PIPOX: variants seen among roughly 807,000 people sequenced by gnomAD.
PIPOX encodes the protein pipecolic acid and sarcosine oxidase.
Under a neutral mutation model 47.9 loss-of-function variants are expected in PIPOX, and 45 were observed. The observed-to-expected ratio is 0.94, with a 90% CI of 0.74 to 1.20. The LOEUF (loss-of-function observed/expected upper bound fraction) is 1.20, where lower values mean the gene tolerates loss of function less well. PIPOX is among the 50% of genes most tolerant of loss of function. The probability of loss-of-function intolerance (pLI) is 0.00; values close to 1 mark genes in which losing one functional copy is unlikely to be tolerated. For synonymous variants in PIPOX, 165 were observed against 191.3 expected, an observed-to-expected ratio of 0.86 and a Z score of 1.13; for missense variants, 458 against 498.4, an observed-to-expected ratio of 0.92 and a Z score of 0.77.
chr17:29,050,760 G>A (rs1304478526), intron 2 of PIPOX, among the ~76,000 whole-genome samples: 4 of 151,920 alleles, frequency 2.6e-5, no homozygotes, highest in Non-Finnish European at 5.9e-5. Flanking sequence ...GCTCGCTTGC[G>A]GCTGCAGTGA....
Position 29,053,123 on chromosome 17 carries a change from G to C in PIPOX, c.467G>C (p.Arg156Thr). The C allele has an allele frequency of 1.9e-6, 3 of 1,613,944 alleles. No individual in the cohort carries two copies. Among genetic ancestry groups the C allele is most frequent in the Non-Finnish European group, 2.5e-6 (3 of 1,179,874 alleles). ...GTTATCTATGCATATAAGGCCCTCA[G>C]AGCCCTGCAGGTAATGTCGTATAGC... ...GGVIYAYKALRALQDAIRQLG... is the reference protein window; with the variant it reads ...GGVIYAYKALTALQDAIRQLG... The change falls in exon 3 of 8, where the codon AGA (arginine) becomes ACA (threonine). Residue 156 changes from arginine to threonine, a missense_variant. Physicochemically the swap from Arg to Thr is moderately conservative, Grantham distance 71. Transcript: ENST00000323372.
chr17:29,055,498 C>A (rs781507903), intron 6 of PIPOX, among the ~76,000 whole-genome samples: 4 of 152,218 alleles, frequency 2.6e-5, no homozygotes, highest in Non-Finnish European at 4.4e-5. Flanking sequence ...CTGGCAAGCT[C>A]CTCCAGTTGA....
chr17:29,053,326 T>C, intron 3 of PIPOX, 87 bp from the exon 4 acceptor site: 5 of 1,413,688 alleles, frequency 3.5e-6, no homozygotes, highest in South Asian at 2.6e-5. Flanking sequence ...TTCTGCACTC[T>C]TTTCTGCCCC....
intron 2 of PIPOX, among the ~76,000 whole-genome samples, chr17:29,046,117 C>G (rs993254005): frequency 6.6e-6 from 1 of 152,152 alleles, no homozygotes; most frequent in Admixed American, 6.5e-5. Context: ...AACTTAAGAA[C>G]AAAGTGAAAT....
rs977698792 is a variant in PIPOX, at chr17:29,052,976, A to C, written c.320A>C (p.Gln107Pro). 1 of 1,614,262 alleles carries C rather than the reference A, an allele frequency of 6.2e-7. No individual in the cohort carries two copies. Among genetic ancestry groups the C allele is most frequent in the African/African-American group, 1.3e-5 (1 of 75,074 alleles). The change falls in exon 3 of 8, where the codon CAG becomes CCG. Residue 107 changes from glutamine (Q) to proline (P), a missense_variant. By Grantham distance (76) the Gln-to-Pro change is moderately conservative. Coordinates refer to ENST00000323372, the MANE Select transcript of PIPOX (RefSeq NM_016518.3). ...MKENQELKTI[Q>P]ANLSRQRVEH... is the part of the protein sequence containing the mutation. ...GAGAATCAAGAATTAAAGACAATCC[A>C]GGCCAATCTGTCGAGGCAGAGGGTA...
At chr17:29,054,417 A>G (rs1232151229) in intron 4 of PIPOX, 128 bp from the exon 5 acceptor site, 3 of 912,174 alleles carry the variant, frequency 3.3e-6, no homozygotes, top group Non-Finnish European at 5.2e-6. Context: ...GGGAGAGACA[A>G]ACATGGATGA....
intron 4 of PIPOX, among the ~76,000 whole-genome samples, chr17:29,054,050 C>T (rs1020675874): frequency 5.3e-5 from 8 of 151,752 alleles, no homozygotes; most frequent in African/African-American, 1.9e-4. Context: ...GGTGTAGTGG[C>T]GTGTGCTTGT....
chr17:29,050,746 A>G (rs1376335345), intron 2 of PIPOX, among the ~76,000 whole-genome samples: 4 of 152,008 alleles, frequency 2.6e-5, no homozygotes, highest in Non-Finnish European at 5.9e-5. Flanking sequence ...CTGAGGCAGG[A>G]GGAGCTCGCT....
intron 2 of PIPOX, chr17:29,051,930 G>C: frequency 2.1e-6 from 1 of 470,286 alleles, no homozygotes; most frequent in Non-Finnish European, 4.4e-6. Flanking sequence ...GGGTGGGCGG[G>C]TGAGTGGGCG....
intron 2 of PIPOX, among the ~76,000 whole-genome samples, chr17:29,047,754 C>T (rs1326961394): frequency 7.2e-5 from 11 of 152,086 alleles, no homozygotes; most frequent in South Asian, 4.2e-4. Flanking sequence ...CCAAAACAAG[C>T]AGAAGGCCAG....
chr17:29,047,700 C>A (rs967647290), intron 2 of PIPOX, among the ~76,000 whole-genome samples: 4 of 150,754 alleles, frequency 2.7e-5, no homozygotes, highest in Non-Finnish European at 5.9e-5. Context: ...TAAAAAAAAT[C>A]AACAATTAAA....
At position 29,048,484 on chromosome 17, in the gene PIPOX, C is replaced by CA. The variant is rs768546513; in HGVS notation, c.263+3478dup. On this transcript the variant is annotated intron_variant, in intron 2 of 7. Transcript: ENST00000323372. Reference sequence around the variant, plus strand: ...TATATTCTGGGAACAGACAATGACACATGTGTCAGATCACAAGGTCTGAAT... The same window carrying CA: ...TATATTCTGGGAACAGACAATGACACAATGTGTCAGATCACAAGGTCTGAAT... Among the ~76,000 whole-genome samples the CA allele has an allele frequency of 2.6e-5, 4 of 152,338 alleles. No homozygotes were observed. In the East Asian group the frequency reaches 5.8e-4, roughly 22 times the overall value.
chr17:29,053,194 A>T, intron 3 of PIPOX, 61 bp downstream of exon 3: 2 of 1,516,222 alleles, frequency 1.3e-6, no homozygotes, highest in Non-Finnish European at 1.8e-6. Flanking sequence ...CCTGGGTCCC[A>T]AGCAGCCAGC....
At chr17:29,048,350 A>C (rs1234717398) in intron 2 of PIPOX, among the ~76,000 whole-genome samples, 3 of 152,248 alleles carry the variant, frequency 2.0e-5, no homozygotes, top group Non-Finnish European at 4.4e-5. Flanking sequence ...GATTAAAAAA[A>C]AACCTTTAGG....
At position 29,052,954 on chromosome 17, in the gene PIPOX, A is replaced by C; in HGVS notation, c.298A>C (p.Asn100His). Residue 100 changes from asparagine to histidine, a missense_variant, in exon 3 of 8, where the codon AAT becomes CAT. By Grantham distance (68) the Asn-to-His change is moderately conservative. Transcript: ENST00000323372. ...TGLLLLGMKE[N>H]QELKTIQANL... ...ATTACTGCTGCTGGGAATGAAAGAG[A>C]ATCAAGAATTAAAGACAATCCAGGC... The C allele has an allele frequency of 6.2e-7, 1 of 1,614,246 alleles. No individual in the cohort carries two copies. The highest frequency in any genetic ancestry group is 1.1e-5 in the South Asian group (1 of 91,086).
In PIPOX at chr17:29,056,468, G is replaced by A. The variant is rs909755103; in HGVS notation, c.*163G>A. On this transcript the variant is annotated 3_prime_UTR_variant, in exon 8 of 8. Coordinates refer to ENST00000323372, the MANE Select transcript of PIPOX (RefSeq NM_016518.3). ...TGAGTCTACCTTCTTTCCTTGGCCCGCTCCCTTTTTCTTCTGCCTCACTTG... is the reference window on the plus strand; with the variant it reads ...TGAGTCTACCTTCTTTCCTTGGCCCACTCCCTTTTTCTTCTGCCTCACTTG... The A allele has an allele frequency of 3.8e-5, 29 of 765,804 alleles. No homozygotes were observed. Among genetic ancestry groups the A allele is most frequent in the South Asian group, 5.7e-5 (3 of 52,494 alleles). 47.4% of individuals were successfully genotyped at this position (765,804 alleles called of 1,614,324 possible). A position where few individuals can be genotyped will look rare whatever the true frequency, so the allele number is the denominator to read the frequency against.
rs2065828612 is a variant in PIPOX at position 29,056,413 on chromosome 17, C to T, written c.*108C>T. ...GAGATATCATCCTTTTCTTCTGCCT[C>T]GCCTGAATCCCCCATAAACACCAGA... On this transcript the variant is annotated 3_prime_UTR_variant, in exon 8 of 8. Transcript: ENST00000323372. 6 of 1,294,750 alleles carry T rather than the reference C, an allele frequency of 4.6e-6. No individual in the cohort carries two copies. The highest frequency in any genetic ancestry group is 2.7e-5 in the South Asian group (2 of 74,794). The allele number at this position is 1,294,750 out of a possible 1,614,324, so 80.2% of individuals were successfully genotyped here. A position where few individuals can be genotyped will look rare whatever the true frequency, so the allele number is the denominator to read the frequency against.
At chr17:29,045,148 A>G (rs1434651706) in intron 2 of PIPOX, 141 bp downstream of exon 2, 8 of 962,214 alleles carry the variant, frequency 8.3e-6, no homozygotes, top group Middle Eastern at 6.7e-4. Context: ...TGCATGGAAG[A>G]GTTCTGCTGT....
chr17:29,047,298 G>GA (rs1004843707), intron 2 of PIPOX, among the ~76,000 whole-genome samples: 4 of 150,238 alleles, frequency 2.7e-5, no homozygotes, highest in African/African-American at 2.4e-5. Context: ...CCGTCTCAAA[G>GA]AAAAAAAAAG....
Sources: allele counts gnomAD v4.1 joint callset (sites outside exome capture counted in the v4.1 genomes callset), GRCh38; gene constraint gnomAD v4.1.1; transcripts MANE v1.5; gene names NCBI Gene and HGNC (gene_info 2026-07-23, HGNC 2026-07-21).